EMCN: variants seen among roughly 807,000 people sequenced by gnomAD.
EMCN encodes endomucin, also known as MUC-14.
In EMCN, 37 loss-of-function variants were observed where a neutral mutation model predicts 38.4. The ratio of observed to expected loss-of-function variants is 0.96; its 90% CI spans 0.74 to 1.27. The LOEUF (loss-of-function observed/expected upper bound fraction) is 1.27, where lower values mean the gene tolerates loss of function less well. EMCN is among the 50% of genes most tolerant of loss of function. EMCN has a pLI of 0.00. For missense variants in EMCN, 318 were observed against 302.8 expected, an observed-to-expected ratio of 1.05 and a Z score of -0.37; for synonymous variants, 95 against 100.8, an observed-to-expected ratio of 0.94 and a Z score of 0.35.
chr4:100,465,844 T>A (rs1728300538), intron 3 of EMCN, among the ~76,000 whole-genome samples: 1 of 152,152 alleles, frequency 6.6e-6, no homozygotes, highest in South Asian at 2.1e-4. Flanking sequence ...AGGAATTAAA[T>A]AATTTCCCCA....
intron 11 of EMCN, among the ~76,000 whole-genome samples, chr4:100,409,948 G>A (rs1381621826): frequency 6.6e-6 from 1 of 152,200 alleles, no homozygotes; most frequent in Non-Finnish European, 1.5e-5. Flanking sequence ...GTCAGCAACA[G>A]AAGCCTGTCT....
At chr4:100,417,163 A>G (rs1432442959) in intron 8 of EMCN, 22 bp from the exon 9 acceptor site, 1 of 1,613,392 alleles carries the variant, frequency 6.2e-7, no homozygotes, top group African/African-American at 1.3e-5. Context: ...GGGAGTTGTT[A>G]TTAGAGTTGC....
chr4:100,430,829 T>C (rs541237192), intron 5 of EMCN, among the ~76,000 whole-genome samples: 12 of 152,318 alleles, frequency 7.9e-5, no homozygotes, highest in Admixed American at 5.9e-4. Context: ...TATTCCATAA[T>C]TGAATTCTTT....
At chr4:100,470,340 C>T (rs899832268) in intron 3 of EMCN, among the ~76,000 whole-genome samples, 2 of 150,512 alleles carry the variant, frequency 1.3e-5, no homozygotes, top group African/African-American at 4.9e-5. Context: ...CAATGAGATA[C>T]CCTCTCACAC....
chr4:100,512,973 C>T (rs1159514333), intron 1 of EMCN, among the ~76,000 whole-genome samples: 1 of 152,060 alleles, frequency 6.6e-6, no homozygotes, highest in Admixed American at 6.6e-5. Flanking sequence ...TTGGCTGCAG[C>T]TTGAAATGTA....
chr4:100,408,620 C>A (rs537813017), intron 11 of EMCN, among the ~76,000 whole-genome samples: 3 of 152,306 alleles, frequency 2.0e-5, no homozygotes, highest in Non-Finnish European at 4.4e-5. Flanking sequence ...CCATGCTTCC[C>A]CTCAGTGCTC....
chr4:100,504,721 C>T (rs6532866), intron 1 of EMCN, among the ~76,000 whole-genome samples: 59,537 of 152,058 alleles, frequency 0.39, 12,315 homozygotes, highest in East Asian at 0.71. Flanking sequence ...AAGCGGACCA[C>T]GGTCTAGCGG....
intron 5 of EMCN, among the ~76,000 whole-genome samples, chr4:100,429,550 A>G (rs1727142717): frequency 1.3e-5 from 2 of 152,260 alleles, no homozygotes; most frequent in South Asian, 4.1e-4. Flanking sequence ...AATGCAAAAA[A>G]AGCCTTACCT....
At chr4:100,462,612 T>G (rs1490252747) in intron 4 of EMCN, among the ~76,000 whole-genome samples, 1 of 152,126 alleles carries the variant, frequency 6.6e-6, no homozygotes, top group Non-Finnish European at 1.5e-5. Context: ...GGGGCCATCA[T>G]ATTATACGTA....
At chr4:100,408,696 GT>G (rs1344690004) in intron 11 of EMCN, among the ~76,000 whole-genome samples, 1 of 152,108 alleles carries the variant, frequency 6.6e-6, no homozygotes, top group Non-Finnish European at 1.5e-5. Context: ...CTCCCAGACT[GT>G]GCACTGCAGG....
intron 1 of EMCN, among the ~76,000 whole-genome samples, chr4:100,487,384 G>T (rs1050082668): frequency 1.4e-4 from 21 of 152,154 alleles, no homozygotes; most frequent in Non-Finnish European, 2.8e-4. Context: ...GATCACTTTG[G>T]GTGCCCTCTC....
At chr4:100,458,289 T>A (rs1371693941) in intron 4 of EMCN, among the ~76,000 whole-genome samples, 1 of 152,146 alleles carries the variant, frequency 6.6e-6, no homozygotes, top group Non-Finnish European at 1.5e-5. Flanking sequence ...AGGGCTGTTT[T>A]AACTGCTAGG....
At chr4:100,511,488 T>A (rs3796655) in intron 1 of EMCN, among the ~76,000 whole-genome samples, 60,655 of 151,956 alleles carry the variant, frequency 0.4, 12,792 homozygotes, top group East Asian at 0.71. Context: ...CACATTTCAG[T>A]TGAGAAGTAC....
intron 1 of EMCN, among the ~76,000 whole-genome samples, chr4:100,494,008 A>G (rs1464169749): frequency 2.0e-5 from 3 of 152,182 alleles, no homozygotes; most frequent in Non-Finnish European, 4.4e-5. Flanking sequence ...TACCAGTTCT[A>G]AGTGCTGGGA....
chr4:100,491,823 C>A (rs748189629), intron 1 of EMCN, among the ~76,000 whole-genome samples: 14 of 152,208 alleles, frequency 9.2e-5, no homozygotes, highest in Non-Finnish European at 1.9e-4. Flanking sequence ...ATCTAGAGAA[C>A]TCAAAAGCAG....
At chr4:100,466,183 A>G (rs1728310843) in intron 3 of EMCN, among the ~76,000 whole-genome samples, 1 of 152,140 alleles carries the variant, frequency 6.6e-6, no homozygotes, top group African/African-American at 2.4e-5. Flanking sequence ...ATATTTGCCC[A>G]TATATTCTGA....
rs1367651830 is a variant in EMCN, at chr4:100,517,857, T to A, written c.58A>T (p.Ser20Cys). The change falls in exon 1 of 12, where the codon AGC becomes TGC. Residue 20 changes from serine (S) to cysteine (C), a missense_variant. By Grantham distance (112) the Ser-to-Cys change is moderately radical. Transcript: ENST00000296420. ...GAATAAGAGACAAAAATACCTGTGC[T>A]GTTACTGCTGCAAATACTGGGCAGA... ...FLLPSICSSN[S>C]TGVLEAANNS... The A allele has an allele frequency of 6.2e-7, 1 of 1,612,662 alleles. No homozygotes were observed. The highest frequency in any genetic ancestry group is 8.5e-7 in the Non-Finnish European group (1 of 1,178,910).
intron 1 of EMCN, among the ~76,000 whole-genome samples, chr4:100,509,622 A>G (rs1327213096): frequency 5.3e-5 from 8 of 152,186 alleles, no homozygotes; most frequent in Non-Finnish European, 8.8e-5. Context: ...TCATACCACA[A>G]AAAAGTATTT....
intron 9 of EMCN, 48 bp downstream of exon 9, chr4:100,417,069 C>T: frequency 6.3e-7 from 1 of 1,578,596 alleles, no homozygotes; most frequent in Non-Finnish European, 8.7e-7. Flanking sequence ...ATAATTTTCA[C>T]TACGTAAATG....
Sources: allele counts gnomAD v4.1 joint callset (sites outside exome capture counted in the v4.1 genomes callset), GRCh38; gene constraint gnomAD v4.1.1; transcripts MANE v1.5; gene names NCBI Gene and HGNC (gene_info 2026-07-23, HGNC 2026-07-21).